The following MAPK6 variants were observed in gnomAD, a reference collection of about 807,000 sequenced individuals.
MAPK6 encodes mitogen-activated protein kinase 6.
A neutral mutation model predicts 59.3 loss-of-function variants in MAPK6; 19 were observed. That is an observed-to-expected ratio of 0.32 (90% CI 0.22 to 0.47). The LOEUF is 0.47. Ranked by LOEUF, MAPK6 falls within the 20% of genes least tolerant of loss-of-function variation. The pLI, the probability that MAPK6 is intolerant of heterozygous loss-of-function variation, is 1.00. For synonymous variants in MAPK6, 316 were observed against 290.3 expected (o/e 1.09, Z -0.90); for missense variants, 724 against 847.9 (o/e 0.85, Z 1.81).
At position 52,049,899 on chromosome 15, in the gene MAPK6, C is replaced by T; in HGVS notation, c.556-94C>T. 3 of 1,153,494 alleles carry T rather than the reference C, an allele frequency of 2.6e-6. No individual in the cohort carries two copies. The South Asian group carries it at 3.8e-5, about 15-fold the overall frequency. 71.5% of individuals were successfully genotyped at this position (1,153,494 alleles called of 1,614,324 possible). On this transcript the variant is annotated intron_variant, in intron 2 of 5. Transcript: ENST00000261845. ...AAATGCTGGGATTACAGGCATGAGC[C>T]ACCACGCCTGGCAAATTAAGGATTC...
chr15:51,971,971 G>A (rs992353057), intron 1 of MAPK6, among the ~76,000 whole-genome samples: 13 of 152,220 alleles, frequency 8.5e-5, no homozygotes, highest in East Asian at 1.9e-4. Flanking sequence ...TTCTTACCAG[G>A]GGGCGGGGGG....
intron 2 of MAPK6, among the ~76,000 whole-genome samples, chr15:51,989,612 T>A (rs551818649): frequency 6.6e-6 from 1 of 152,126 alleles, no homozygotes; most frequent in East Asian, 1.9e-4. Context: ...ATTTTTTATT[T>A]TTTTAGAGAC....
At chr15:52,026,235 T>C (rs1458335656) in intron 1 of MAPK6, among the ~76,000 whole-genome samples, 1 of 152,246 alleles carries the variant, frequency 6.6e-6, no homozygotes, top group Non-Finnish European at 1.5e-5. Flanking sequence ...ATCTGCTGTT[T>C]ATGTTAATTC....
Position 51,971,944 on chromosome 15 carries a change from T to C in MAPK6, c.-880+38T>C, listed in dbSNP as rs2057129136. On this transcript the variant is annotated intron_variant, in intron 1 of 7. Transcript: ENST00000691380. ...TATAAGCCCGGCCATTTCGTCAATA[T>C]CTGTTATTTGCCAGGATTCTTACCA... 3 of 585,284 alleles carry C rather than the reference T, an allele frequency of 5.1e-6. No homozygotes were observed. In the Admixed American group the frequency reaches 8.1e-5, roughly 16 times the overall value. 36.3% of individuals were successfully genotyped at this position (585,284 alleles called of 1,614,324 possible). A position where few individuals can be genotyped will look rare whatever the true frequency, so the allele number is the denominator to read the frequency against.
chr15:52,016,070 G>GCGCGCGCGCGCGCACACA, upstream of MAPK6, among the ~76,000 whole-genome samples: 21 of 55,386 alleles, frequency 3.8e-4, no homozygotes, highest in East Asian at 5.6e-4. Flanking sequence ...GCGCGCGCGC[G>GCGCGCGCGCGCGCACACA]CACACACACA....
chr15:51,992,922 G>C (rs576814791), intron 2 of MAPK6, among the ~76,000 whole-genome samples: 1 of 152,148 alleles, frequency 6.6e-6, no homozygotes, highest in East Asian at 1.9e-4. Context: ...CACTTATCTG[G>C]AAGCTCTCCA....
At chr15:51,977,233 G>C (rs1244470843) in intron 1 of MAPK6, among the ~76,000 whole-genome samples, 1 of 151,566 alleles carries the variant, frequency 6.6e-6, no homozygotes, top group African/African-American at 2.4e-5. Flanking sequence ...GAGCTCCTGA[G>C]CTCAGGCAAT....
chr15:52,025,070 G>C (rs923393115), intron 1 of MAPK6, among the ~76,000 whole-genome samples: 5 of 151,886 alleles, frequency 3.3e-5, no homozygotes, highest in African/African-American at 1.2e-4. Context: ...GTGAGACCCT[G>C]TCTCTACAAA....
At chr15:52,052,954 AAC>A (rs1474877222) in intron 3 of MAPK6, among the ~76,000 whole-genome samples, 4 of 152,166 alleles carry the variant, frequency 2.6e-5, no homozygotes, top group Non-Finnish European at 5.9e-5. Flanking sequence ...CTTTTTGAAG[AAC>A]AGTTTCCCAG....
intron 1 of MAPK6, among the ~76,000 whole-genome samples, chr15:52,034,190 C>T (rs1324568264): frequency 2.6e-5 from 4 of 151,930 alleles, no homozygotes; most frequent in African/African-American, 4.8e-5. Context: ...TCACCATGTT[C>T]GCCAGGCTGG....
chr15:51,999,221 C>A (rs1461734124), intron 2 of MAPK6, among the ~76,000 whole-genome samples: 1 of 148,796 alleles, frequency 6.7e-6, no homozygotes, highest in Non-Finnish European at 1.5e-5. Context: ...TGGTCTTGAG[C>A]ACCTGACCTC....
intron 1 of MAPK6, 113 bp downstream of exon 1, chr15:52,019,489 T>A (rs1239348553): frequency 2.7e-5 from 4 of 146,440 alleles, no homozygotes; most frequent in African/African-American, 7.4e-5. Context: ...GGCTCCCTCC[T>A]CCATTGTGTG....
chr15:52,059,068 AT>A (rs1401663724), intron 4 of MAPK6, among the ~76,000 whole-genome samples: 2 of 152,090 alleles, frequency 1.3e-5, no homozygotes, highest in African/African-American at 4.8e-5. Context: ...TCATGATGGC[AT>A]TTTTTCCCTC....
intron 2 of MAPK6, among the ~76,000 whole-genome samples, chr15:51,995,296 C>G (rs1178130523): frequency 6.6e-6 from 1 of 152,222 alleles, no homozygotes; most frequent in African/African-American, 2.4e-5. Flanking sequence ...CAAATTATAC[C>G]TTGATCAGCT....
chr15:51,974,848 G>T (rs2057153002), intron 1 of MAPK6, among the ~76,000 whole-genome samples: 2 of 150,486 alleles, frequency 1.3e-5, no homozygotes, highest in Non-Finnish European at 3.0e-5. Context: ...CTCCCAAGTA[G>T]CTGGGACTAT....
chr15:52,066,944 G>C lies in MAPK6; in HGVS notation c.*1944G>C, dbSNP rs937474337. On this transcript the variant is annotated 3_prime_UTR_variant, in exon 6 of 6. Transcript: ENST00000261845. ...AAATGGGACACTTTTAGTTGGAGCT[G>C]GGTGGGGTGACAAGTGCAGAGGCTT... The C allele has an allele frequency of 6.6e-6, 1 of 152,216 alleles. No homozygotes were observed. Among genetic ancestry groups the C allele is most frequent in the Non-Finnish European group, 1.5e-5 (1 of 68,044 alleles). The allele number at this position is 152,216 out of a possible 1,614,324, so 9.4% of individuals were successfully genotyped here. A position where few individuals can be genotyped will look rare whatever the true frequency, so the allele number is the denominator to read the frequency against.
At chr15:52,038,244 A>G (rs1171866161) in intron 1 of MAPK6, among the ~76,000 whole-genome samples, 1 of 152,126 alleles carries the variant, frequency 6.6e-6, no homozygotes, top group Non-Finnish European at 1.5e-5. Flanking sequence ...ATGTTGAATG[A>G]AACGTAATGG....
chr15:52,047,893 A>C (rs1463959747), intron 2 of MAPK6, among the ~76,000 whole-genome samples: 1 of 152,210 alleles, frequency 6.6e-6, no homozygotes, highest in East Asian at 1.9e-4. Flanking sequence ...TAATAAGTAT[A>C]GCCAAAAAGA....
chr15:52,008,655 A>C (rs1488223628), intron 3 of MAPK6, among the ~76,000 whole-genome samples: 1 of 152,220 alleles, frequency 6.6e-6, no homozygotes, highest in African/African-American at 2.4e-5. Flanking sequence ...CAGGAATGTC[A>C]AGATGGTCAT....
Sources: allele counts gnomAD v4.1 joint callset (sites outside exome capture counted in the v4.1 genomes callset), GRCh38; gene constraint gnomAD v4.1.1; transcripts MANE v1.5; gene names NCBI Gene and HGNC (gene_info 2026-07-23, HGNC 2026-07-21).